The following LINGO1 variants were observed in gnomAD, a reference collection of about 807,000 sequenced individuals.
The protein encoded by LINGO1 is leucine rich repeat and Ig domain containing 1, also known as leucine-rich repeat and immunoglobulin-like domain-containing nogo receptor-interacting protein 1.
A neutral mutation model predicts 37.3 loss-of-function variants in LINGO1; 11 were observed. That is an observed-to-expected ratio of 0.29 (90% confidence interval 0.19 to 0.49). The LOEUF is 0.49. Among genes scored for constraint, LINGO1 ranks in the 20% least tolerant of loss-of-function variants. LINGO1 has a pLI of 0.99. For synonymous variants in LINGO1, 387 were observed against 403.0 expected (o/e 0.96, Z 0.48); for missense variants, 585 against 878.2 (o/e 0.67, Z 4.22).
chr15:77,630,624 CA>C (rs2074227000), intron 1 of LINGO1, among the ~76,000 whole-genome samples: 1 of 152,192 alleles, frequency 6.6e-6, no homozygotes, highest in Non-Finnish European at 1.5e-5. Context: ...AGCACATGCC[CA>C]TCCCCCTAAA....
intron 3 of LINGO1, among the ~76,000 whole-genome samples, chr15:77,668,450 A>T (rs1228689660): frequency 6.6e-6 from 1 of 152,206 alleles, no homozygotes; most frequent in African/African-American, 2.4e-5. Flanking sequence ...ATGTAATGCC[A>T]GTCACAGGCT....
chr15:77,634,181 A>C, upstream of LINGO1: 1 of 452,786 alleles, frequency 2.2e-6, no homozygotes, highest in Non-Finnish European at 4.4e-6. Flanking sequence ...CATTGCAGAG[A>C]TGCCTGGTTG....
At chr15:77,682,591 C>G (rs967575466) in intron 2 of LINGO1, among the ~76,000 whole-genome samples, 8 of 152,098 alleles carry the variant, frequency 5.3e-5, no homozygotes, top group Non-Finnish European at 1.0e-4. Context: ...CCAGAGTCCT[C>G]TCTTTCCCTC....
chr15:77,809,539 T>C (rs1400626408), intron 1 of LINGO1, among the ~76,000 whole-genome samples: 1 of 152,196 alleles, frequency 6.6e-6, no homozygotes, highest in African/African-American at 2.4e-5. Context: ...ACAGAGGCTA[T>C]GCCCCGCCCC....
chr15:77,798,327 G>A (rs915868344), intron 1 of LINGO1, among the ~76,000 whole-genome samples: 2 of 152,216 alleles, frequency 1.3e-5, no homozygotes, highest in African/African-American at 4.8e-5. Flanking sequence ...GGCCAACCCG[G>A]GCAGCCCTGT....
intron 1 of LINGO1, among the ~76,000 whole-genome samples, chr15:77,755,076 C>G (rs2076406809): frequency 6.6e-6 from 1 of 152,206 alleles, no homozygotes; most frequent in Admixed American, 6.5e-5. Flanking sequence ...ATGCACAACT[C>G]CCTTGAGGCC....
At chr15:77,760,583 G>A (rs1438522593) in intron 1 of LINGO1, among the ~76,000 whole-genome samples, 1 of 152,200 alleles carries the variant, frequency 6.6e-6, no homozygotes, top group Non-Finnish European at 1.5e-5. Flanking sequence ...TGGCCCTCCA[G>A]TTATCCACGG....
chr15:77,668,380 C>T lies in LINGO1; in HGVS notation c.-13+8709G>A, dbSNP rs527917159. 1.1e-3 allele frequency among the ~76,000 whole-genome samples: 166 copies of T among 152,300 alleles called. 1 individual carries two copies. The South Asian group carries it at 0.011, about 10-fold the overall frequency. ...CTCAAATGTGTAGTTGGTCTGGTGT[C>T]TCTGAGCCCCTGAGCCTGTGGGGAC... On this transcript the variant is annotated intron_variant, in intron 3 of 3. Coordinates refer to the LINGO1 transcript ENST00000559893.
At chr15:77,768,109 T>C (rs1279152671) in intron 1 of LINGO1, among the ~76,000 whole-genome samples, 1 of 152,156 alleles carries the variant, frequency 6.6e-6, no homozygotes, top group African/African-American at 2.4e-5. Flanking sequence ...CCCGGGCTCC[T>C]AAACACCTGC....
At chr15:77,738,264 C>T (rs566923689) in intron 1 of LINGO1, among the ~76,000 whole-genome samples, 23 of 152,264 alleles carry the variant, frequency 1.5e-4, no homozygotes, top group Admixed American at 1.4e-3. Context: ...ACTATCAGAG[C>T]AGCACGATGA....
chr15:77,760,916 CTTTTTTTTTTTTTTTT>C (rs34524098), intron 1 of LINGO1, among the ~76,000 whole-genome samples: 18 of 96,418 alleles, frequency 1.9e-4, no homozygotes, highest in South Asian at 1.7e-3. Flanking sequence ...TAATAAGTAT[CTTTTTTTTTTTTTTTT>C]TTTTTTTTTT....
chr15:77,720,702 C>G (rs1465196312), intron 2 of LINGO1: 1 of 151,894 alleles, frequency 6.6e-6, no homozygotes, highest in Admixed American at 6.5e-5. Context: ...TTTTCTTGAG[C>G]TCCCTTCCCC....
chr15:77,737,859 C>T (rs569267983), intron 1 of LINGO1, among the ~76,000 whole-genome samples: 2 of 152,176 alleles, frequency 1.3e-5, no homozygotes, highest in African/African-American at 4.8e-5. Context: ...CCAGGGCTCA[C>T]CAGGACATCC....
At chr15:77,793,213 G>A (rs1246695678) in intron 2 of LINGO1, among the ~76,000 whole-genome samples, 1 of 152,112 alleles carries the variant, frequency 6.6e-6, no homozygotes, top group East Asian at 1.9e-4. Flanking sequence ...GAGAGCAGAG[G>A]GTCTTGGTTT....
intron 2 of LINGO1, among the ~76,000 whole-genome samples, chr15:77,702,658 T>C (rs1481273262): frequency 1.3e-5 from 2 of 152,148 alleles, no homozygotes; most frequent in East Asian, 1.9e-4. Flanking sequence ...ACCGGCCCCA[T>C]GGTGGTGGTT....
At chr15:77,659,855 G>C (rs1307719212) in intron 3 of LINGO1, among the ~76,000 whole-genome samples, 1 of 151,826 alleles carries the variant, frequency 6.6e-6, no homozygotes, top group Non-Finnish European at 1.5e-5. Context: ...GCTGGGGTGG[G>C]GTGGGGTGGG....
chr15:77,689,597 A>G (rs1208222646), intron 2 of LINGO1, among the ~76,000 whole-genome samples: 2 of 152,112 alleles, frequency 1.3e-5, no homozygotes, highest in African/African-American at 4.8e-5. Context: ...CCCGACCTCC[A>G]TGTGGGGGGT....
chr15:77,677,348 C>T (rs1190484179), intron 2 of LINGO1, among the ~76,000 whole-genome samples: 1 of 152,088 alleles, frequency 6.6e-6, no homozygotes, highest in African/African-American at 2.4e-5. Context: ...CTACCCACTT[C>T]CCAGCACCCT....
chr15:77,720,118 G>A (rs184890333), intron 2 of LINGO1, among the ~76,000 whole-genome samples: 3 of 149,906 alleles, frequency 2.0e-5, no homozygotes, highest in Non-Finnish European at 4.5e-5. Flanking sequence ...CTTCACCAAG[G>A]ACCCCTGCTC....
Sources: gnomAD v4.1 joint callset for allele counts (sites outside exome capture counted in the v4.1 genomes callset) on GRCh38, gnomAD v4.1.1 for gene constraint, MANE v1.5 for transcripts, NCBI Gene and HGNC (gene_info 2026-07-23, HGNC 2026-07-21) for gene names.